DENND5A: variants seen among roughly 807,000 people sequenced by gnomAD.
DENND5A encodes DENN domain-containing protein 5A.
In DENND5A, 64 loss-of-function variants were observed where a neutral mutation model predicts 140.3. That is an observed-to-expected ratio of 0.46 (90% confidence interval 0.37 to 0.56). DENND5A has a LOEUF of 0.56. Among genes scored for constraint, DENND5A ranks in the 20% least tolerant of loss-of-function variants. DENND5A has a pLI of 0.00. For missense variants in DENND5A, 1,292 were observed against 1,593.8 expected, an observed-to-expected ratio of 0.81 and a Z score of 3.22; for synonymous variants, 605 against 607.7, an observed-to-expected ratio of 1.00 and a Z score of 0.07.
intron 1 of DENND5A, among the ~76,000 whole-genome samples, chr11:9,244,558 C>G (rs1458005036): frequency 6.6e-6 from 1 of 151,918 alleles, no homozygotes; most frequent in Non-Finnish European, 1.5e-5. Flanking sequence ...TAGTAGAGAC[C>G]GGGTTTCTCC....
intron 8 of DENND5A, among the ~76,000 whole-genome samples, chr11:9,172,858 C>T (rs1164030651): frequency 1.3e-5 from 2 of 152,020 alleles, no homozygotes; most frequent in African/African-American, 4.8e-5. Context: ...TTCTGTCGCC[C>T]GGGCTAGAGT....
intron 1 of DENND5A, among the ~76,000 whole-genome samples, chr11:9,226,255 A>G (rs1850524832): frequency 6.6e-6 from 1 of 152,154 alleles, no homozygotes; most frequent in African/African-American, 2.4e-5. Context: ...TAATTCTATG[A>G]TTCCTCAAAG....
In DENND5A at chr11:9,174,102, CAAAAAAAA is replaced by C. The variant is rs57703622; in HGVS notation, c.1907-3333_1907-3326del. Among the ~76,000 whole-genome samples the C allele has an allele frequency of 2.4e-4, 10 of 42,150 alleles. No individual in the cohort carries two copies. In the East Asian group the frequency reaches 4.7e-3, roughly 20 times the overall value. The allele number at this position is 42,150 out of a possible 152,430, so 27.7% of individuals were successfully genotyped here. A position where few individuals can be genotyped will look rare whatever the true frequency, so the allele number is the denominator to read the frequency against. ...TGGGCGATAGAGCAAGACTCCGTCT[CAAAAAAAA>C]AAAAAAAAAAAAAAAAAAAGAAAAA... On this transcript the variant is annotated intron_variant, in intron 8 of 22. Transcript: ENST00000328194.
intron 5 of DENND5A, among the ~76,000 whole-genome samples, chr11:9,184,668 G>A (rs1263532577): frequency 6.6e-6 from 1 of 152,162 alleles, no homozygotes; most frequent in Non-Finnish European, 1.5e-5. Context: ...GCACTGCATC[G>A]TGTATTTGAT....
At chr11:9,199,540 T>C (rs138572210) in intron 4 of DENND5A, among the ~76,000 whole-genome samples, 2 of 152,314 alleles carry the variant, frequency 1.3e-5, no homozygotes, top group African/African-American at 2.4e-5. Context: ...TTAAAAATTA[T>C]GCTATTAAAA....
intron 1 of DENND5A, among the ~76,000 whole-genome samples, chr11:9,233,386 G>A (rs1378695602): frequency 1.3e-4 from 18 of 140,772 alleles, no homozygotes; most frequent in African/African-American, 3.8e-4. Flanking sequence ...GCGACAGAGC[G>A]AGACTCTGTC....
intron 1 of DENND5A, among the ~76,000 whole-genome samples, chr11:9,243,644 T>C (rs1327994805): frequency 2.0e-5 from 3 of 152,142 alleles, no homozygotes; most frequent in East Asian, 1.9e-4. Context: ...TCCCAGCACG[T>C]TGGGAGGCCA....
chr11:9,232,983 T>C (rs997342961), intron 1 of DENND5A, among the ~76,000 whole-genome samples: 5 of 152,168 alleles, frequency 3.3e-5, no homozygotes, highest in African/African-American at 1.2e-4. Flanking sequence ...CCATATATAA[T>C]TACATTTATA....
At chr11:9,210,923 TTA>T (rs1291549532) in intron 1 of DENND5A, among the ~76,000 whole-genome samples, 1 of 152,190 alleles carries the variant, frequency 6.6e-6, no homozygotes, top group Non-Finnish European at 1.5e-5. Flanking sequence ...ACAGAATATT[TTA>T]TGTCTAGTTC....
intron 11 of DENND5A, among the ~76,000 whole-genome samples, chr11:9,161,108 G>A (rs2136140066): frequency 6.6e-6 from 1 of 152,312 alleles, no homozygotes; most frequent in South Asian, 2.1e-4. Context: ...AGCACTCTGG[G>A]AGGCCTAGTT....
chr11:9,263,814 AG>A (rs1852319530), intron 1 of DENND5A, among the ~76,000 whole-genome samples: 1 of 135,886 alleles, frequency 7.4e-6, no homozygotes, highest in African/African-American at 2.7e-5. Flanking sequence ...TGCAGTCCGC[AG>A]TCCGGCCTGG....
rs1182669571 is a variant in DENND5A, at chr11:9,211,074, A to G, written c.110-3442T>C. On this transcript the variant is annotated intron_variant, in intron 1 of 22. Transcript: ENST00000328194. ...AGAAGGTCAGCACTTCAAAGAAGGT[A>G]ATGATACTGGGTGAGTTTCCCTTTT... Among the ~76,000 whole-genome samples, 7 of 152,326 alleles carry G rather than the reference A, an allele frequency of 4.6e-5. No individual in the cohort carries two copies. The East Asian group carries it at 1.4e-3, about 29-fold the overall frequency.
At position 9,170,326 on chromosome 11, in the gene DENND5A, T is replaced by G. The variant is rs370511287; in HGVS notation, c.2057+301A>C. Reference sequence around the variant, plus strand: ...ATTATTTCAACTGCCATTTATTAAATACAATGCTAGCTTGCTGTTGAATGG... The same window carrying G: ...ATTATTTCAACTGCCATTTATTAAAGACAATGCTAGCTTGCTGTTGAATGG... On this transcript the variant is annotated intron_variant, in intron 9 of 22. Coordinates refer to ENST00000328194, the MANE Select transcript of DENND5A (RefSeq NM_015213.4). 6.1e-6 allele frequency: 6 copies of G among 976,918 alleles called. No individual in the cohort carries two copies. In the African/African-American group the frequency reaches 8.8e-5, roughly 14 times the overall value. The allele number at this position is 976,918 out of a possible 1,614,324, so 60.5% of individuals were successfully genotyped here.
chr11:9,230,076 T>G (rs1364058646), intron 1 of DENND5A, among the ~76,000 whole-genome samples: 1 of 150,920 alleles, frequency 6.6e-6, no homozygotes, highest in Non-Finnish European at 1.5e-5. Context: ...GTCCAGCTAA[T>G]TTTTTTGTAT....
intron 1 of DENND5A, 145 bp downstream of exon 1, chr11:9,264,816 A>C: frequency 1.5e-6 from 1 of 657,106 alleles, no homozygotes; most frequent in South Asian, 1.9e-5. Flanking sequence ...TCCAGTCCAA[A>C]GCCCCCTTCG....
intron 1 of DENND5A, among the ~76,000 whole-genome samples, chr11:9,256,402 G>C (rs1038343253): frequency 6.6e-6 from 1 of 152,144 alleles, no homozygotes. Flanking sequence ...GGAGGTTGCA[G>C]TGAGCCGAGA....
chr11:9,231,715 C>CAAAAA (rs71062818), intron 1 of DENND5A, among the ~76,000 whole-genome samples: 5 of 78,964 alleles, frequency 6.3e-5, no homozygotes, highest in South Asian at 5.8e-4. Context: ...AACTCCGTCT[C>CAAAAA]AAAAAAAAAA....
intron 12 of DENND5A, among the ~76,000 whole-genome samples, chr11:9,157,338 CTTTTA>C (rs1847840672): frequency 6.6e-6 from 1 of 152,122 alleles, no homozygotes; most frequent in African/African-American, 2.4e-5. Context: ...ATTCTTTTAA[CTTTTA>C]TTTTAGGTTC....
At chr11:9,153,884 T>G (rs1433248278) in intron 12 of DENND5A, among the ~76,000 whole-genome samples, 1 of 152,242 alleles carries the variant, frequency 6.6e-6, no homozygotes, top group African/African-American at 2.4e-5. Flanking sequence ...AAGCCTGATG[T>G]GAGGGAGTAA....
Sources: allele counts gnomAD v4.1 joint callset (sites outside exome capture counted in the v4.1 genomes callset), GRCh38; gene constraint gnomAD v4.1.1; transcripts MANE v1.5; gene names NCBI Gene and HGNC (gene_info 2026-07-23, HGNC 2026-07-21).